STAU2: variants seen among roughly 807,000 people sequenced by gnomAD.
STAU2 encodes double-stranded RNA-binding protein Staufen homolog 2.
In STAU2, 20 loss-of-function variants were observed where a neutral mutation model predicts 65.9. That is an observed-to-expected ratio of 0.30 (90% CI 0.21 to 0.44). The LOEUF (loss-of-function observed/expected upper bound fraction) is 0.44. Among genes scored for constraint, STAU2 ranks in the 20% least tolerant of loss-of-function variants. The pLI is 1.00. For missense variants in STAU2, 558 were observed against 683.9 expected, an observed-to-expected ratio of 0.82 and a Z score of 2.05; for synonymous variants, 232 against 233.9, an observed-to-expected ratio of 0.99 and a Z score of 0.07.
intron 13 of STAU2, among the ~76,000 whole-genome samples, chr8:73,474,157 AAAAC>A (rs888872800): frequency 2.6e-5 from 4 of 152,160 alleles, no homozygotes; most frequent in African/African-American, 9.7e-5. Flanking sequence ...ACAAAACAAA[AAAAC>A]AAAAAAACCC....
intron 6 of STAU2, among the ~76,000 whole-genome samples, chr8:73,619,542 T>C (rs1231714896): frequency 6.6e-6 from 1 of 152,212 alleles, no homozygotes; most frequent in Non-Finnish European, 1.5e-5. Flanking sequence ...CATGTAAGCA[T>C]TCACCAGGCA....
At chr8:73,650,315 A>T (rs1815764512) in intron 6 of STAU2, among the ~76,000 whole-genome samples, 1 of 152,270 alleles carries the variant, frequency 6.6e-6, no homozygotes, top group Non-Finnish European at 1.5e-5. Flanking sequence ...AAATAAATTT[A>T]ATAAACCACA....
At chr8:73,578,145 AT>A (rs1338724866) in intron 12 of STAU2, among the ~76,000 whole-genome samples, 7 of 152,206 alleles carry the variant, frequency 4.6e-5, no homozygotes, top group Non-Finnish European at 1.0e-4. Context: ...TTTAAAAAAA[AT>A]GTATCTGATA....
intron 9 of STAU2, among the ~76,000 whole-genome samples, chr8:73,612,033 A>T (rs1812511211): frequency 6.6e-6 from 1 of 152,212 alleles, no homozygotes; most frequent in South Asian, 2.1e-4. Context: ...ACTTAGTTTA[A>T]TAGAGCAGAC....
chr8:73,533,347 C>T (rs998059047), intron 13 of STAU2, among the ~76,000 whole-genome samples: 8 of 152,236 alleles, frequency 5.3e-5, no homozygotes, highest in South Asian at 2.1e-4. Flanking sequence ...TTAAATAAGA[C>T]GGCTTTCTTT....
intron 13 of STAU2, among the ~76,000 whole-genome samples, chr8:73,454,237 G>A (rs1354951805): frequency 6.6e-6 from 1 of 152,170 alleles, no homozygotes; most frequent in African/African-American, 2.4e-5. Context: ...CATTCATAAA[G>A]TTGTGTTTTG....
chr8:73,614,015 G>A (rs1042201267), intron 8 of STAU2, 59 bp from the exon 9 acceptor site: 6 of 1,363,032 alleles, frequency 4.4e-6, no homozygotes, highest in Non-Finnish European at 5.9e-6. Context: ...TATTCTTAAA[G>A]TATGACTTAA....
chr8:73,576,254 A>G (rs1354287939), intron 12 of STAU2, among the ~76,000 whole-genome samples: 1 of 152,222 alleles, frequency 6.6e-6, no homozygotes, highest in African/African-American at 2.4e-5. Flanking sequence ...GGACCAACAG[A>G]TGAATGGATA....
chr8:73,598,470 G>A (rs558220399), intron 10 of STAU2, among the ~76,000 whole-genome samples: 50 of 152,056 alleles, frequency 3.3e-4, no homozygotes, highest in African/African-American at 9.6e-4. Flanking sequence ...CTCGTGATCC[G>A]CCCACCTCGG....
In STAU2 at chr8:73,445,034, C is replaced by T. The variant is rs561649413; in HGVS notation, c.1531-22332G>A. On this transcript the variant is annotated intron_variant, in intron 13 of 14. Coordinates refer to ENST00000524300, the MANE Select transcript of STAU2 (RefSeq NM_001164380.2). Reference sequence around the variant, plus strand: ...TGTTCCTGGAAGACAAAGAATAGGGCGGAGGGTTTCTAGTGAAACCCAACC... The same window carrying T: ...TGTTCCTGGAAGACAAAGAATAGGGTGGAGGGTTTCTAGTGAAACCCAACC... 1.7e-3 allele frequency among the ~76,000 whole-genome samples: 255 copies of T among 152,238 alleles called. 2 individuals carry two copies. Among genetic ancestry groups the T allele is most frequent in the Middle Eastern group, 6.8e-3 (2 of 294 alleles).
At chr8:73,561,425 G>A (rs1808219912) in intron 12 of STAU2, 1 of 412,066 alleles carries the variant, frequency 2.4e-6, no homozygotes, top group Admixed American at 2.8e-5. Flanking sequence ...TGAGGATAAT[G>A]AGTCATCTTC....
At chr8:73,455,583 A>G (rs1819019318) in intron 13 of STAU2, among the ~76,000 whole-genome samples, 1 of 152,096 alleles carries the variant, frequency 6.6e-6, no homozygotes, top group South Asian at 2.1e-4. Context: ...CAACCTCCAG[A>G]GACAGGCCCA....
At chr8:73,464,988 A>C (rs545964427) in intron 13 of STAU2, among the ~76,000 whole-genome samples, 2 of 152,230 alleles carry the variant, frequency 1.3e-5, no homozygotes, top group African/African-American at 4.8e-5. Flanking sequence ...AGCATAATTT[A>C]TGTATGAAAC....
At chr8:73,576,275 G>T (rs1586042620) in intron 12 of STAU2, among the ~76,000 whole-genome samples, 2 of 152,056 alleles carry the variant, frequency 1.3e-5, no homozygotes, top group Admixed American at 1.3e-4. Context: ...AATCATTATG[G>T]GATATTCACA....
intron 3 of STAU2, among the ~76,000 whole-genome samples, chr8:73,738,039 A>G (rs187730202): frequency 6.6e-6 from 1 of 152,324 alleles, no homozygotes; most frequent in East Asian, 1.9e-4. Context: ...AAGGGATGTG[A>G]CATCAAGAAG....
chr8:73,490,017 T>G (rs907603348), intron 13 of STAU2, among the ~76,000 whole-genome samples: 1 of 152,050 alleles, frequency 6.6e-6, no homozygotes, highest in Admixed American at 6.6e-5. Context: ...TTCCACCTAC[T>G]TTTACTACTA....
At position 73,507,505 on chromosome 8, in the gene STAU2, G is replaced by C. The variant is rs543045099; in HGVS notation, c.1530+44507C>G. ...AAACCATGCTGTAAACAGATGAGCTGTCATTCAGGCTTTGCTCTTCCATTT... is the reference window on the plus strand; with the variant it reads ...AAACCATGCTGTAAACAGATGAGCTCTCATTCAGGCTTTGCTCTTCCATTT... On this transcript the variant is annotated intron_variant, in intron 13 of 14. Coordinates refer to ENST00000524300, the MANE Select transcript of STAU2 (RefSeq NM_001164380.2). Among the ~76,000 whole-genome samples, 171 of 152,188 alleles carry C rather than the reference G, an allele frequency of 1.1e-3. 2 individuals are homozygous for C. The highest frequency in any genetic ancestry group is 1.0e-3 in the Non-Finnish European group (70 of 68,034).
At chr8:73,534,715 T>C (rs779738274) in intron 13 of STAU2, among the ~76,000 whole-genome samples, 1 of 152,214 alleles carries the variant, frequency 6.6e-6, no homozygotes, top group Non-Finnish European at 1.5e-5. Flanking sequence ...TTACTGTCTC[T>C]TCAGTTTTTT....
intron 13 of STAU2, among the ~76,000 whole-genome samples, chr8:73,428,425 A>G (rs1380065561): frequency 6.6e-6 from 1 of 152,162 alleles, no homozygotes; most frequent in Non-Finnish European, 1.5e-5. Flanking sequence ...GTTGCAATAA[A>G]CATGAGGGTG....
Sources: gnomAD v4.1 joint callset for allele counts (sites outside exome capture counted in the v4.1 genomes callset) on GRCh38, gnomAD v4.1.1 for gene constraint, MANE v1.5 for transcripts, NCBI Gene and HGNC (gene_info 2026-07-23, HGNC 2026-07-21) for gene names.